The following PDLIM2 variants were observed in gnomAD, a reference collection of about 807,000 sequenced individuals.
PDLIM2 encodes PDZ and LIM domain protein 2.
In PDLIM2, 51 loss-of-function variants were observed where a neutral mutation model predicts 54.1. That is an observed-to-expected ratio of 0.94 (90% CI 0.75 to 1.19). The LOEUF (loss-of-function observed/expected upper bound fraction) is 1.19. Among genes scored for constraint, PDLIM2 ranks in the 50% most tolerant of loss-of-function variants. The pLI, the probability that PDLIM2 is intolerant of heterozygous loss-of-function variation, is 0.00. For synonymous variants in PDLIM2, 398 were observed against 385.6 expected (o/e 1.03, Z -0.38); for missense variants, 912 against 874.0 (o/e 1.04, Z -0.55).
At chr8:22,586,254 G>A (rs1030250323) in intron 6 of PDLIM2, among the ~76,000 whole-genome samples, 26 of 152,232 alleles carry the variant, frequency 1.7e-4, no homozygotes, top group African/African-American at 5.3e-4. Context: ...CTTCCGAACA[G>A]CGGCTGCCTA....
At chr8:22,591,941 G>C (rs986837592) in intron 9 of PDLIM2, 20 of 339,860 alleles carry the variant, frequency 5.9e-5, no homozygotes, top group Non-Finnish European at 3.2e-5. Flanking sequence ...AAAGCCTCTG[G>C]AGATCTGCCC....
chr8:22,580,491 CGGG>C, intron 1 of PDLIM2: 2 of 1,576,806 alleles, frequency 1.3e-6, no homozygotes, highest in Non-Finnish European at 1.7e-6. Flanking sequence ...GTAGCTGCTC[CGGG>C]AGCTGTGGTG....
chr8:22,591,668 C>A (rs73229817), exon 9 of PDLIM2: 54 of 1,607,250 alleles, frequency 3.4e-5, no homozygotes, highest in Non-Finnish European at 4.3e-5. Context: ...ACCAGCATCG[C>A]GTGAGTGTGG....
Position 22,580,560 on chromosome 8 carries a change from G to A in PDLIM2, c.749-43G>A, listed in dbSNP as rs374528104. On this transcript the variant is annotated intron_variant, in intron 1 of 9. Transcript: ENST00000308354. The stretch of plus-strand genomic sequence containing the variant: ...GCTGCCTTACAGTGCCCCCAGAGCC[G>A]GCTAGGGGCATGGACTTCACCTCCT... 554 of 1,613,110 alleles carry A rather than the reference G, an allele frequency of 3.4e-4. 3 individuals are homozygous for A. In the African/African-American group the frequency reaches 5.6e-3, roughly 16 times the overall value.
exon 8 of PDLIM2, chr8:22,589,604 C>T: frequency 3.7e-6 from 6 of 1,602,674 alleles, no homozygotes; most frequent in East Asian, 4.5e-5. Context: ...AGCATGGACT[C>T]GGAAGGGGGA....
downstream of PDLIM2, chr8:22,595,961 G>GT (rs74392767): frequency 0.043 from 6,207 of 143,552 alleles, 297 homozygotes; most frequent in African/African-American, 0.12. Flanking sequence ...TAATTTTTAA[G>GT]TTTTTTTTTT....
chr8:22,597,285 A>C (rs1039127318), downstream of PDLIM2: 1 of 151,598 alleles, frequency 6.6e-6, no homozygotes, highest in Non-Finnish European at 1.5e-5. Context: ...CATCACTCAG[A>C]GAGCCCTGGC....
chr8:22,595,302 C>T (rs1434621726), downstream of PDLIM2: 1 of 152,220 alleles, frequency 6.6e-6, no homozygotes, highest in East Asian at 1.9e-4. Flanking sequence ...TGAGAAAGGT[C>T]TTTCTTTTTA....
chr8:22,594,344 A>C, downstream of PDLIM2: 1 of 1,462,770 alleles, frequency 6.8e-7, no homozygotes, highest in Non-Finnish European at 9.0e-7. Flanking sequence ...CCTGGGTATG[A>C]CCTGCTCCCA....
At chr8:22,591,527 C>A in intron 8 of PDLIM2, 24 bp from the exon 8 acceptor site, 1 of 1,602,642 alleles carries the variant, frequency 6.2e-7, no homozygotes, top group Non-Finnish European at 8.5e-7. Context: ...GCTCTCACCA[C>A]ATGTCTGTCT....
chr8:22,579,444 G>C (rs950671936), exon 1 of PDLIM2: 1 of 1,517,640 alleles, frequency 6.6e-7, no homozygotes, highest in African/African-American at 1.4e-5. Flanking sequence ...AGCGAAGGAG[G>C]CTCCAGAACT....
chr8:22,584,968 C>T (rs113849390), intron 4 of PDLIM2, 49 bp from the exon 4 acceptor site: 6 of 1,613,372 alleles, frequency 3.7e-6, no homozygotes, highest in African/African-American at 1.3e-5. Flanking sequence ...GGCAGGGCGG[C>T]CTTGGCGGGG....
exon 10 of PDLIM2, chr8:22,593,927 G>C: frequency 6.5e-7 from 1 of 1,546,418 alleles, no homozygotes; most frequent in South Asian, 1.2e-5. Flanking sequence ...CATGCCCTCA[G>C]CCTGCCTCAC....
chr8:22,584,590 C>T (rs922055779), intron 3 of PDLIM2, among the ~76,000 whole-genome samples: 1 of 152,210 alleles, frequency 6.6e-6, no homozygotes, highest in East Asian at 1.9e-4. Flanking sequence ...GGATGATAGG[C>T]GTGGGTCAAT....
chr8:22,589,448 C>T (rs1000411599), intron 7 of PDLIM2, 74 bp downstream of exon 6: 6 of 1,529,378 alleles, frequency 3.9e-6, no homozygotes, highest in African/African-American at 2.7e-5. Flanking sequence ...CGGGCTTCCC[C>T]GAGAGGGATG....
exon 10 of PDLIM2, chr8:22,593,961 A>G (rs368261229): frequency 2.6e-6 from 4 of 1,519,582 alleles, no homozygotes; most frequent in East Asian, 2.5e-5. Context: ...TCATGCCTAT[A>G]TAAGTTGGCA....
rs1195261060 is a variant in PDLIM2, at chr8:22,580,538, G to C, written c.749-65G>C. 3.7e-6 allele frequency: 6 copies of C among 1,611,112 alleles called. No individual in the cohort carries two copies. The Admixed American group carries it at 1.0e-4, about 27-fold the overall frequency. On this transcript the variant is annotated intron_variant, in intron 1 of 9. Transcript: ENST00000308354. The stretch of plus-strand genomic sequence containing the variant: ...TTCTCCCTTTGGCTCCTCTCCTGCT[G>C]CCTTACAGTGCCCCCAGAGCCGGCT...
At chr8:22,591,126 C>T (rs888230935) in intron 8 of PDLIM2, 1 of 230,128 alleles carries the variant, frequency 4.3e-6, no homozygotes, top group Admixed American at 5.3e-5. Context: ...GCGACAGCTG[C>T]CCCGTAGCCC....
chr8:22,586,249 G>A (rs993785741), intron 6 of PDLIM2, among the ~76,000 whole-genome samples: 23 of 152,208 alleles, frequency 1.5e-4, no homozygotes, highest in African/African-American at 3.1e-4. Context: ...GGGGCCTTCC[G>A]AACAGCGGCT....
Sources: gnomAD v4.1 joint callset for allele counts (sites outside exome capture counted in the v4.1 genomes callset) on GRCh38, gnomAD v4.1.1 for gene constraint, MANE v1.5 for transcripts, NCBI Gene and HGNC (gene_info 2026-07-23, HGNC 2026-07-21) for gene names.